LUZP2: variants seen among roughly 807,000 people sequenced by gnomAD.
LUZP2 encodes the protein leucine zipper protein 2.
In LUZP2, 52 loss-of-function variants were observed where a neutral mutation model predicts 51.6. The observed-to-expected ratio is 1.01, with a 90% CI of 0.81 to 1.27. LUZP2 has a LOEUF of 1.27. LUZP2 is among the 50% of genes most tolerant of loss of function. LUZP2 has a pLI of 0.00. For synonymous variants in LUZP2, 154 were observed against 137.3 expected (o/e 1.12, Z -0.85); for missense variants, 436 against 395.4 (o/e 1.10, Z -0.87).
intron 1 of LUZP2, among the ~76,000 whole-genome samples, chr11:24,723,946 G>A (rs1473104747): frequency 6.6e-6 from 1 of 152,096 alleles, no homozygotes; most frequent in Non-Finnish European, 1.5e-5. Flanking sequence ...AAAGACATTT[G>A]ATGTATATGA....
At chr11:24,555,794 G>C (rs12295477) in intron 1 of LUZP2, among the ~76,000 whole-genome samples, 63,654 of 151,972 alleles carry the variant, frequency 0.42, 13,863 homozygotes, top group African/African-American at 0.52. Flanking sequence ...GGGCAACATA[G>C]TGAGACCCTT....
At chr11:24,810,861 T>C (rs912130895) in intron 5 of LUZP2, among the ~76,000 whole-genome samples, 2 of 152,174 alleles carry the variant, frequency 1.3e-5, no homozygotes, top group Non-Finnish European at 2.9e-5. Flanking sequence ...TTACCGTGTA[T>C]GCTCAGTGTC....
intron 9 of LUZP2, among the ~76,000 whole-genome samples, chr11:25,038,704 G>A (rs1231248312): frequency 6.6e-6 from 1 of 152,178 alleles, no homozygotes; most frequent in Non-Finnish European, 1.5e-5. Context: ...GAGCTCATTT[G>A]TAGGTAAGGG....
intron 5 of LUZP2, among the ~76,000 whole-genome samples, chr11:24,765,681 G>C (rs1462345208): frequency 7.0e-6 from 1 of 142,676 alleles, no homozygotes; most frequent in Non-Finnish European, 1.5e-5. Context: ...AGGCTGGAGT[G>C]CCGTGGCTTG....
At chr11:24,697,098 T>C (rs1226129029) in intron 1 of LUZP2, among the ~76,000 whole-genome samples, 1 of 152,142 alleles carries the variant, frequency 6.6e-6, no homozygotes, top group Non-Finnish European at 1.5e-5. Flanking sequence ...GGAAAAGACT[T>C]TGGATTTTCT....
intron 4 of LUZP2, among the ~76,000 whole-genome samples, chr11:24,741,136 A>G (rs1859123061): frequency 6.6e-6 from 1 of 152,000 alleles, no homozygotes; most frequent in African/African-American, 2.4e-5. Flanking sequence ...TTACTATTCA[A>G]AATAATTTTG....
At position 24,596,119 on chromosome 11, in the gene LUZP2, G is replaced by A. The variant is rs574442742; in HGVS notation, c.62+98814G>A. On this transcript the variant is annotated intron_variant, in intron 1 of 11. Coordinates refer to ENST00000336930, the MANE Select transcript of LUZP2 (RefSeq NM_001009909.4). ...ACTGGGAAATATCTCCCTTTTATCC[G>A]TTGCAGCTTCAAATGTTACAACACA... 2.0e-4 allele frequency among the ~76,000 whole-genome samples: 31 copies of A among 152,216 alleles called. 1 individual carries two copies. The South Asian group carries it at 3.7e-3, about 18-fold the overall frequency.
chr11:24,733,729 A>G (rs1239273782), intron 3 of LUZP2, among the ~76,000 whole-genome samples: 1 of 151,596 alleles, frequency 6.6e-6, no homozygotes, highest in East Asian at 1.9e-4. Context: ...AGTTAATAAT[A>G]AACTGTATTT....
chr11:24,608,107 C>T (rs1853995292), intron 1 of LUZP2, among the ~76,000 whole-genome samples: 1 of 152,114 alleles, frequency 6.6e-6, no homozygotes, highest in Non-Finnish European at 1.5e-5. Flanking sequence ...CCTCGGCCTC[C>T]TAAAGTGCTG....
chr11:24,738,975 C>A (rs1190258823), intron 4 of LUZP2, among the ~76,000 whole-genome samples: 2 of 151,994 alleles, frequency 1.3e-5, no homozygotes, highest in Admixed American at 1.3e-4. Flanking sequence ...GACCTTATAT[C>A]TTGTTTTCAA....
At chr11:24,966,525 T>G (rs1279185999) in intron 7 of LUZP2, among the ~76,000 whole-genome samples, 1 of 150,364 alleles carries the variant, frequency 6.7e-6, no homozygotes, top group African/African-American at 2.4e-5. Flanking sequence ...CTTTTACATT[T>G]AGGTCAATAA....
intron 5 of LUZP2, among the ~76,000 whole-genome samples, chr11:24,841,158 G>C (rs1318394743): frequency 1.3e-5 from 2 of 151,880 alleles, no homozygotes. Context: ...GCCTTTGGGA[G>C]GTAGTTAGGT....
intron 1 of LUZP2, among the ~76,000 whole-genome samples, chr11:24,587,839 GA>G (rs919579404): frequency 2.6e-5 from 4 of 151,662 alleles, no homozygotes; most frequent in Non-Finnish European, 4.4e-5. Context: ...TGGTGAGAGG[GA>G]AAAAAAGGCA....
chr11:25,045,227 T>A lies in LUZP2; in HGVS notation c.766-4811T>A, dbSNP rs1447836952. Among the ~76,000 whole-genome samples, 9 of 151,446 alleles carry A rather than the reference T, an allele frequency of 5.9e-5. No homozygotes were observed. In the East Asian group the frequency reaches 1.8e-3, roughly 30 times the overall value. Reference sequence around the variant, plus strand: ...TAGAATAATAATAAAAGAAAAAAAATGAAAGTAATTAATGTATATACATGA... The same window carrying A: ...TAGAATAATAATAAAAGAAAAAAAAAGAAAGTAATTAATGTATATACATGA... On this transcript the variant is annotated intron_variant, in intron 9 of 11. Coordinates refer to ENST00000336930, the MANE Select transcript of LUZP2 (RefSeq NM_001009909.4).
chr11:24,608,145 G>A lies in LUZP2; in HGVS notation c.62+110840G>A, dbSNP rs531319521. 3.9e-5 allele frequency among the ~76,000 whole-genome samples: 6 copies of A among 152,134 alleles called. No individual in the cohort carries two copies. In the East Asian group the frequency reaches 9.7e-4, roughly 25 times the overall value. ...ATTACAGGCGTGAGCCACTGCGCCC[G>A]GCATCTATTTTATTTAATAGAGGTA... On this transcript the variant is annotated intron_variant, in intron 1 of 11. Coordinates refer to ENST00000336930, the MANE Select transcript of LUZP2 (RefSeq NM_001009909.4).
intron 1 of LUZP2, among the ~76,000 whole-genome samples, chr11:24,567,568 G>A (rs943739344): frequency 1.3e-5 from 2 of 151,904 alleles, no homozygotes; most frequent in African/African-American, 4.8e-5. Flanking sequence ...AAGAGAAATT[G>A]AAACAGAGAG....
chr11:24,600,326 A>G (rs753885695), intron 1 of LUZP2, among the ~76,000 whole-genome samples: 1 of 152,066 alleles, frequency 6.6e-6, no homozygotes, highest in Non-Finnish European at 1.5e-5. Flanking sequence ...GAGAAACACC[A>G]AGGAATGCTG....
intron 1 of LUZP2, among the ~76,000 whole-genome samples, chr11:24,693,293 T>A (rs1857137300): frequency 6.6e-6 from 1 of 151,484 alleles, no homozygotes; most frequent in South Asian, 2.1e-4. Flanking sequence ...GGCAATATTT[T>A]CTGTGAAATT....
chr11:24,681,055 C>A (rs1384504412), intron 1 of LUZP2, among the ~76,000 whole-genome samples: 1 of 151,708 alleles, frequency 6.6e-6, no homozygotes, highest in Non-Finnish European at 1.5e-5. Context: ...AATCTCGGCT[C>A]ACTGCAAGCT....
Sources: allele counts gnomAD v4.1 joint callset (sites outside exome capture counted in the v4.1 genomes callset), GRCh38; gene constraint gnomAD v4.1.1; transcripts MANE v1.5; gene names NCBI Gene and HGNC (gene_info 2026-07-23, HGNC 2026-07-21).